Variants in PTPRD observed in about 807,000 individuals in gnomAD.
PTPRD encodes protein tyrosine phosphatase receptor type D.
PTPRD carries 34 observed loss-of-function variants against 214.5 expected under a neutral mutation model. The observed-to-expected ratio is 0.16, with a 90% CI of 0.12 to 0.21. The LOEUF is 0.21. Ranked by LOEUF, PTPRD falls within the 10% of genes least tolerant of loss-of-function variation. The pLI, the probability that PTPRD is intolerant of heterozygous loss-of-function variation, is 1.00. For missense variants in PTPRD, 2,545 were observed against 2,398.7 expected (o/e 1.06, Z -1.27); for synonymous variants, 1,128 against 845.7 (o/e 1.33, Z -5.79).
In PTPRD at chr9:10,060,533, T is replaced by C. The variant is rs562197799; in HGVS notation, c.-544-26743A>G. Among the ~76,000 whole-genome samples, 81 of 152,120 alleles carry C rather than the reference T, an allele frequency of 5.3e-4. 1 individual carries two copies. The highest frequency in any genetic ancestry group is 1.9e-3 in the African/African-American group (77 of 41,526). ...TGTCCACTAGAGGGCACTATTGTAA[T>C]CTCATGAACATGACAGAAATGTGTC... On this transcript the variant is annotated intron_variant, in intron 3 of 45. Coordinates refer to ENST00000381196, the MANE Select transcript of PTPRD (RefSeq NM_002839.4).
intron 9 of PTPRD, among the ~76,000 whole-genome samples, chr9:9,261,997 G>GT (rs2099980332): frequency 1.3e-5 from 2 of 151,628 alleles, no homozygotes; most frequent in South Asian, 4.1e-4. Flanking sequence ...ACTTTAAACA[G>GT]TATAGATTAT....
intron 5 of PTPRD, among the ~76,000 whole-genome samples, chr9:9,848,849 T>A (rs1240724984): frequency 6.6e-6 from 1 of 152,074 alleles, no homozygotes; most frequent in East Asian, 1.9e-4. Flanking sequence ...GCCTAAGTAT[T>A]AAATGTAAAT....
chr9:10,361,788 G>A (rs2097397895), intron 2 of PTPRD, among the ~76,000 whole-genome samples: 1 of 152,038 alleles, frequency 6.6e-6, no homozygotes, highest in Non-Finnish European at 1.5e-5. Context: ...TCATGATAAG[G>A]AACCAAGGTA....
At chr9:9,820,216 T>C (rs1775281262) in intron 5 of PTPRD, among the ~76,000 whole-genome samples, 2 of 152,180 alleles carry the variant, frequency 1.3e-5, no homozygotes, top group South Asian at 2.1e-4. Flanking sequence ...ATGGTTTTCA[T>C]TTGCAGTTCT....
At chr9:9,759,433 C>G (rs998160638) in intron 6 of PTPRD, among the ~76,000 whole-genome samples, 1 of 152,034 alleles carries the variant, frequency 6.6e-6, no homozygotes, top group Admixed American at 6.6e-5. Context: ...CCCTGCTCTA[C>G]TGAGTGGAGT....
chr9:9,080,601 G>A (rs747094449), intron 10 of PTPRD, among the ~76,000 whole-genome samples: 3 of 152,028 alleles, frequency 2.0e-5, no homozygotes, highest in Non-Finnish European at 4.4e-5. Flanking sequence ...GACTCCTGCA[G>A]TCTGACTCCA....
At chr9:10,144,000 A>G (rs2099005874) in intron 3 of PTPRD, among the ~76,000 whole-genome samples, 1 of 152,144 alleles carries the variant, frequency 6.6e-6, no homozygotes, top group African/African-American at 2.4e-5. Flanking sequence ...AAGCCTCAGC[A>G]TCATTTAATA....
At chr9:9,084,314 A>C (rs531403561) in intron 10 of PTPRD, among the ~76,000 whole-genome samples, 57 of 152,288 alleles carry the variant, frequency 3.7e-4, no homozygotes, top group African/African-American at 1.3e-3. Context: ...AGAAAACCAA[A>C]CACCGCATGT....
intron 7 of PTPRD, among the ~76,000 whole-genome samples, chr9:9,628,421 T>C (rs949727526): frequency 6.6e-6 from 1 of 152,146 alleles, no homozygotes; most frequent in Non-Finnish European, 1.5e-5. Flanking sequence ...TATCTCCCCA[T>C]ACATCTTTCA....
intron 7 of PTPRD, among the ~76,000 whole-genome samples, chr9:9,667,654 T>C (rs2096749336): frequency 6.6e-6 from 1 of 152,144 alleles, no homozygotes; most frequent in South Asian, 2.1e-4. Flanking sequence ...ATCTAGAAAC[T>C]AGACAATCAT....
intron 4 of PTPRD, among the ~76,000 whole-genome samples, chr9:10,007,818 T>G (rs1397630460): frequency 6.6e-6 from 1 of 152,028 alleles, no homozygotes; most frequent in African/African-American, 2.4e-5. Flanking sequence ...AAATTATCTG[T>G]TACAATTGAT....
intron 3 of PTPRD, among the ~76,000 whole-genome samples, chr9:10,221,098 A>T (rs1484526898): frequency 6.6e-6 from 1 of 152,036 alleles, no homozygotes; most frequent in Non-Finnish European, 1.5e-5. Flanking sequence ...GTTATCAGAG[A>T]GTCCATGCTC....
Position 9,625,553 on chromosome 9 carries a change from ATT to A in PTPRD, c.-286-50774_-286-50773del, listed in dbSNP as rs61688647. Among the ~76,000 whole-genome samples the A allele has an allele frequency of 8.2e-4, 117 of 142,824 alleles. 1 individual carries two copies. The highest frequency in any genetic ancestry group is 9.5e-4 in the African/African-American group (37 of 38,842). 93.7% of individuals were successfully genotyped at this position (142,824 alleles called of 152,430 possible). On this transcript the variant is annotated intron_variant, in intron 7 of 45. Coordinates refer to ENST00000381196, the MANE Select transcript of PTPRD (RefSeq NM_002839.4). ...TTTCCTGACCAAATATTGTTCCTCT[ATT>A]TTTTTTTTTTTTGTTTTGAGTGAGG...
At chr9:9,883,598 C>T (rs755109178) in intron 5 of PTPRD, among the ~76,000 whole-genome samples, 6 of 152,144 alleles carry the variant, frequency 3.9e-5, no homozygotes, top group Non-Finnish European at 5.9e-5. Flanking sequence ...TTACCAAAGT[C>T]AGGCAATCAT....
intron 10 of PTPRD, among the ~76,000 whole-genome samples, chr9:9,033,340 G>A (rs144005185): frequency 1.3e-5 from 2 of 152,202 alleles, no homozygotes; most frequent in African/African-American, 4.8e-5. Context: ...AGAATTAGCT[G>A]ACTTGCCCAA....
intron 11 of PTPRD, among the ~76,000 whole-genome samples, chr9:8,835,349 G>C (rs547449956): frequency 6.6e-6 from 1 of 152,324 alleles, no homozygotes; most frequent in Admixed American, 6.5e-5. Flanking sequence ...TTTCAAAAGA[G>C]TTGAATAACG....
chr9:8,510,918 T>C (rs1198745602), intron 21 of PTPRD, among the ~76,000 whole-genome samples: 4 of 152,156 alleles, frequency 2.6e-5, no homozygotes, highest in Non-Finnish European at 5.9e-5. Flanking sequence ...ACTTGAGACA[T>C]GGGACTACTT....
At chr9:9,942,326 A>T (rs1026818390) in intron 4 of PTPRD, among the ~76,000 whole-genome samples, 5 of 152,142 alleles carry the variant, frequency 3.3e-5, no homozygotes, top group African/African-American at 1.2e-4. Flanking sequence ...AATAAAAAGC[A>T]TCTTCATCAT....
At chr9:8,697,928 T>C (rs1406420997) in intron 12 of PTPRD, among the ~76,000 whole-genome samples, 2 of 152,192 alleles carry the variant, frequency 1.3e-5, no homozygotes, top group Admixed American at 6.5e-5. Context: ...TCCACTGCCA[T>C]AGTGCAGAAA....
Sources: gnomAD v4.1 joint callset for allele counts (sites outside exome capture counted in the v4.1 genomes callset) on GRCh38, gnomAD v4.1.1 for gene constraint, MANE v1.5 for transcripts, NCBI Gene and HGNC (gene_info 2026-07-23, HGNC 2026-07-21) for gene names.